Variants in EMCN observed in about 807,000 individuals in gnomAD.
EMCN encodes the protein endomucin, also known as MUC-14.
A neutral mutation model predicts 38.4 loss-of-function variants in EMCN; 37 were observed. The ratio of observed to expected loss-of-function variants is 0.96; its 90% CI spans 0.74 to 1.27. The LOEUF is 1.27. EMCN is among the 50% of genes most tolerant of loss of function. EMCN has a pLI of 0.00. For missense variants in EMCN, 318 were observed against 302.8 expected (o/e 1.05, Z -0.37); for synonymous variants, 95 against 100.8 (o/e 0.94, Z 0.35).
chr4:100,418,659 G>C (rs1171423864), intron 8 of EMCN, among the ~76,000 whole-genome samples: 3 of 152,080 alleles, frequency 2.0e-5, no homozygotes, highest in Non-Finnish European at 2.9e-5. Flanking sequence ...TTCTGTGCCT[G>C]ACTTATTTCA....
intron 4 of EMCN, among the ~76,000 whole-genome samples, chr4:100,458,049 G>T (rs560339160): frequency 6.6e-6 from 1 of 152,008 alleles, no homozygotes. Context: ...CTGGGAGGTG[G>T]AGTTTGCAGT....
In EMCN at chr4:100,432,284, A is replaced by G. The variant is rs545203001; in HGVS notation, c.416-8880T>C. Among the ~76,000 whole-genome samples, 4 of 152,214 alleles carry G rather than the reference A, an allele frequency of 2.6e-5. No individual in the cohort carries two copies. In the South Asian group the frequency reaches 8.3e-4, roughly 32 times the overall value. Reference sequence around the variant, plus strand: ...AAAACCAGCCTTTTTTTTTCACCCAATGGATACCTCAACCACAGCCAAAGG... The same window carrying G: ...AAAACCAGCCTTTTTTTTTCACCCAGTGGATACCTCAACCACAGCCAAAGG... On this transcript the variant is annotated intron_variant, in intron 5 of 11. Transcript: ENST00000296420.
intron 4 of EMCN, among the ~76,000 whole-genome samples, chr4:100,451,786 GCC>G (rs1727845940): frequency 1.3e-5 from 2 of 151,836 alleles, no homozygotes; most frequent in Non-Finnish European, 2.9e-5. Flanking sequence ...TACTTACTTT[GCC>G]TGGCTTTTAT....
At chr4:100,470,103 G>T (rs145071444) in intron 3 of EMCN, among the ~76,000 whole-genome samples, 1 of 151,898 alleles carries the variant, frequency 6.6e-6, no homozygotes, top group African/African-American at 2.4e-5. Flanking sequence ...AGAATAAACA[G>T]ATAACCTACA....
intron 1 of EMCN, among the ~76,000 whole-genome samples, chr4:100,507,960 C>T (rs577861256): frequency 1.8e-3 from 277 of 152,144 alleles, no homozygotes; most frequent in Non-Finnish European, 2.7e-3. Flanking sequence ...TCTAACATCC[C>T]TAACTGAAAA....
intron 7 of EMCN, among the ~76,000 whole-genome samples, 199 bp downstream of exon 7, chr4:100,422,822 C>CTTTTTTTTT (rs71878999): frequency 1.6e-4 from 20 of 122,632 alleles, no homozygotes; most frequent in Non-Finnish European, 2.8e-4. Flanking sequence ...TCTTTCTTTT[C>CTTTTTTTTT]TTTTTTTTTT....
intron 1 of EMCN, among the ~76,000 whole-genome samples, chr4:100,481,932 CCTT>C (rs1053833116): frequency 5.3e-5 from 8 of 151,578 alleles, no homozygotes; most frequent in African/African-American, 1.9e-4. Context: ...CTTCCTTCCT[CCTT>C]CCTTCTTTCC....
At chr4:100,513,392 G>A (rs555337763) in intron 1 of EMCN, among the ~76,000 whole-genome samples, 2 of 152,118 alleles carry the variant, frequency 1.3e-5, no homozygotes, top group South Asian at 2.1e-4. Context: ...CTGTAATGAC[G>A]CATAAAGATG....
intron 2 of EMCN, among the ~76,000 whole-genome samples, chr4:100,475,667 T>G (rs398051063): frequency 0.44 from 19,941 of 45,256 alleles, 4,675 homozygotes; most frequent in Non-Finnish European, 0.53. Context: ...TCCTTTTTTT[T>G]TTTTTTTTTT....
intron 4 of EMCN, among the ~76,000 whole-genome samples, chr4:100,454,562 A>G (rs1056027646): frequency 1.3e-5 from 2 of 152,180 alleles, no homozygotes; most frequent in Non-Finnish European, 2.9e-5. Flanking sequence ...TTTAGCAAGA[A>G]TATAAAACTA....
At chr4:100,448,795 T>TTTTCTTTCCTTC (rs58028381) in intron 4 of EMCN, among the ~76,000 whole-genome samples, 5,448 of 114,516 alleles carry the variant, frequency 0.048, 474 homozygotes, top group Non-Finnish European at 0.061. Context: ...TGCCTTGAAG[T>TTTTCTTTCCTTC]CTTCCTTCCT....
chr4:100,492,484 A>C (rs1473030896), intron 1 of EMCN, among the ~76,000 whole-genome samples: 1 of 152,192 alleles, frequency 6.6e-6, no homozygotes, highest in Non-Finnish European at 1.5e-5. Context: ...AAGAGACAGC[A>C]TATTTAAAGA....
intron 5 of EMCN, among the ~76,000 whole-genome samples, chr4:100,444,483 A>G (rs368199541): frequency 6.6e-6 from 1 of 152,020 alleles, no homozygotes; most frequent in African/African-American, 2.4e-5. Context: ...TGCCTCATCT[A>G]TGGCATTGAG....
At chr4:100,512,738 G>A (rs976504549) in intron 1 of EMCN, among the ~76,000 whole-genome samples, 1 of 151,312 alleles carries the variant, frequency 6.6e-6, no homozygotes, top group Admixed American at 6.6e-5. Flanking sequence ...CCCGGGATGC[G>A]GAAGTTGCAG....
intron 1 of EMCN, among the ~76,000 whole-genome samples, chr4:100,510,548 T>C (rs1729599726): frequency 6.6e-6 from 1 of 152,166 alleles, no homozygotes; most frequent in Non-Finnish European, 1.5e-5. Flanking sequence ...TCAGCAAAAC[T>C]TTATATAACA....
chr4:100,458,629 A>G (rs557770631), intron 4 of EMCN, among the ~76,000 whole-genome samples: 14 of 152,286 alleles, frequency 9.2e-5, no homozygotes, highest in Admixed American at 6.5e-4. Flanking sequence ...GGGGCAATTC[A>G]ATGTTTGAGA....
chr4:100,451,609 T>C (rs1727842096), intron 4 of EMCN, among the ~76,000 whole-genome samples: 1 of 151,984 alleles, frequency 6.6e-6, no homozygotes, highest in Non-Finnish European at 1.5e-5. Flanking sequence ...TCCTTAGATT[T>C]AGATACTTTG....
chr4:100,405,351 T>C (rs1176497134), intron 11 of EMCN, among the ~76,000 whole-genome samples: 1 of 152,108 alleles, frequency 6.6e-6, no homozygotes, highest in African/African-American at 2.4e-5. Flanking sequence ...GGTTGTGGGT[T>C]TGTCATAGAT....
intron 1 of EMCN, among the ~76,000 whole-genome samples, chr4:100,516,154 G>A (rs894274309): frequency 6.6e-6 from 1 of 152,116 alleles, no homozygotes; most frequent in African/African-American, 2.4e-5. Context: ...ACTGTTAACA[G>A]GTTGAGCTCA....
Sources: allele counts gnomAD v4.1 joint callset (sites outside exome capture counted in the v4.1 genomes callset), GRCh38; gene constraint gnomAD v4.1.1; transcripts MANE v1.5; gene names NCBI Gene and HGNC (gene_info 2026-07-23, HGNC 2026-07-21).